Variants in RIPK1 observed in about 807,000 individuals in gnomAD.
RIPK1 encodes the protein receptor-interacting serine/threonine-protein kinase 1.
Under a neutral mutation model 62.4 loss-of-function variants are expected in RIPK1, and 27 were observed. That is an observed-to-expected ratio of 0.43 (90% CI 0.32 to 0.60). The LOEUF is 0.60. Among genes scored for constraint, RIPK1 ranks in the 20% least tolerant of loss-of-function variants. RIPK1 has a pLI of 0.07. For missense variants in RIPK1, 735 were observed against 831.0 expected (o/e 0.88, Z 1.42); for synonymous variants, 287 against 303.2 (o/e 0.95, Z 0.55).
At chr6:3,066,247 C>T (rs1419251562), upstream of RIPK1, among the ~76,000 whole-genome samples, 3 of 152,178 alleles carry the variant, frequency 2.0e-5, no homozygotes, top group East Asian at 1.9e-4. Flanking sequence ...TGGTCCGGAA[C>T]CCCTGAGCTC....
intron 9 of RIPK1, 32 bp downstream of exon 9, chr6:3,106,083 CTTTTT>C: frequency 6.8e-7 from 1 of 1,467,840 alleles, no homozygotes; most frequent in Non-Finnish European, 9.3e-7. Flanking sequence ...ACAAGCTTGT[CTTTTT>C]TTATTTTTCA....
chr6:3,072,938 G>A lies in RIPK1; in HGVS notation c.-60-3826G>A, dbSNP rs1356974417. Among the ~76,000 whole-genome samples, 2 of 152,096 alleles carry A rather than the reference G, an allele frequency of 1.3e-5. No homozygotes were observed. Among genetic ancestry groups the A allele is most frequent in the African/African-American group, 4.8e-5 (2 of 41,410 alleles). On this transcript the variant is annotated intron_variant, in intron 1 of 10. Transcript: ENST00000259808. This position sits in a 1 kb window ranked among gnomAD's most constrained non-coding sequence, Gnocchi z 5.6. ...ACCCGCTCCTACCTCATTCTCACTAGGATTGGTCAGTAGGGCCCTGCTGAC... is the reference window on the plus strand; with the variant it reads ...ACCCGCTCCTACCTCATTCTCACTAAGATTGGTCAGTAGGGCCCTGCTGAC...
chr6:3,070,188 T>C lies in RIPK1; in HGVS notation c.-61+1527T>C, dbSNP rs530256467. On this transcript the variant is annotated intron_variant, in intron 1 of 10. Transcript: ENST00000259808. ...TGAACTATACTGAGCCTCAGAGATATGTTGTACTTTCTGGAATGTGAATAT... is the reference window on the plus strand; with the variant it reads ...TGAACTATACTGAGCCTCAGAGATACGTTGTACTTTCTGGAATGTGAATAT... 1.1e-4 allele frequency among the ~76,000 whole-genome samples: 16 copies of C among 152,324 alleles called. No homozygotes were observed. In the East Asian group the frequency reaches 2.9e-3, roughly 28 times the overall value.
intron 7 of RIPK1, among the ~76,000 whole-genome samples, chr6:3,098,969 G>T (rs867789014): frequency 3.9e-5 from 6 of 152,150 alleles, no homozygotes; most frequent in Admixed American, 1.3e-4. Flanking sequence ...GAGTACCTGG[G>T]GCAAAGGAGT....
Position 3,105,935 on chromosome 6 carries a change from G to C in RIPK1, c.1460G>C (p.Arg487Thr). 2 of 1,614,140 alleles carry C rather than the reference G, an allele frequency of 1.2e-6. No individual in the cohort carries two copies. The highest frequency in any genetic ancestry group is 3.3e-5 in the Admixed American group (2 of 60,006). Residue 487 changes from arginine to threonine, a missense_variant, in exon 9 of 11, where the codon AGA becomes ACA. Around this residue, in one of 2 missense-constraint regions of RIPK1, gnomAD observed 671 missense variants for 726.2 expected, o/e 0.92. Transcript: ENST00000259808. This position sits in a 1 kb window ranked among gnomAD's most constrained non-coding sequence, Gnocchi z 4.5. ...CTGGATCCAGGAACAGCAGGTCCCA[G>C]AGTTTGGTACAGGCCAATTCCAAGT... ...RPLDPGTAGP[R>T]VWYRPIPSHM... is the part of the protein sequence containing the mutation.
In RIPK1 at chr6:3,113,952, T is replaced by A. The variant is rs1412290647; in HGVS notation, c.*613T>A. 6.6e-6 allele frequency: 1 copy of A among 152,284 alleles called. No homozygotes were observed. The highest frequency in any genetic ancestry group is 1.5e-5 in the Non-Finnish European group (1 of 68,090). 9.4% of individuals were successfully genotyped at this position (152,284 alleles called of 1,614,324 possible). The stretch of plus-strand genomic sequence containing the variant: ...ACATCACAGGATCCGTTAACGTTAA[T>A]ACCCAATACTCTGTCAGCCACTGTA... On this transcript the variant is annotated 3_prime_UTR_variant, in exon 11 of 11. Transcript: ENST00000259808. This position sits in a 1 kb window ranked among gnomAD's most constrained non-coding sequence, Gnocchi z 5.0.
intron 3 of RIPK1, among the ~76,000 whole-genome samples, chr6:3,079,692 C>G (rs922375438): frequency 1.3e-5 from 2 of 152,196 alleles, no homozygotes; most frequent in African/African-American, 4.8e-5. Flanking sequence ...GCCAAGCCAA[C>G]AGACATCTCA....
intron 6 of RIPK1, among the ~76,000 whole-genome samples, chr6:3,087,567 T>C (rs1415103377): frequency 1.3e-5 from 2 of 152,044 alleles, no homozygotes; most frequent in African/African-American, 4.8e-5. Flanking sequence ...AGCTTTTTTT[T>C]TTTTTTGACA....
chr6:3,110,766 T>G (rs376317029), intron 9 of RIPK1, 37 bp from the exon 10 acceptor site: 111 of 1,396,142 alleles, frequency 8.0e-5, no homozygotes, highest in Non-Finnish European at 1.3e-5. Flanking sequence ...TTGCTTTTGA[T>G]CTAGAATTAC....
chr6:3,105,591 C>A lies in RIPK1; in HGVS notation c.1116C>A (p.Pro372=), dbSNP rs1561773913. ...SLEHPQEENE[P]SLQSKLQDEA... ...AGCACCCACAAGAAGAGAATGAGCC[C>A]AGCCTGCAGAGTAAACTCCAAGACG... The change falls in exon 9 of 11, where the codon CCC becomes CCA. Residue 372 remains proline, a synonymous_variant. Coordinates refer to ENST00000259808, the MANE Select transcript of RIPK1 (RefSeq NM_001354930.2). The surrounding 1 kb of genome is among the most constrained non-coding windows in gnomAD (Gnocchi z 4.5). 1 of 1,613,970 alleles carries A rather than the reference C, an allele frequency of 6.2e-7. No individual in the cohort carries two copies. Among genetic ancestry groups the A allele is most frequent in the East Asian group, 2.2e-5 (1 of 44,878 alleles).
intron 1 of RIPK1, among the ~76,000 whole-genome samples, chr6:3,074,871 G>A (rs1338055212): frequency 6.6e-5 from 10 of 152,042 alleles, no homozygotes; most frequent in African/African-American, 7.2e-5. Context: ...TAGTAGAGAC[G>A]GGGTTTCACC....
chr6:3,077,743 C>T, intron 2 of RIPK1, 36 bp from the exon 3 acceptor site: 5 of 1,609,328 alleles, frequency 3.1e-6, no homozygotes, highest in Non-Finnish European at 4.2e-6. Context: ...GGCGCTGGCT[C>T]TGCCAGCCTC....
At chr6:3,089,495 A>C in intron 6 of RIPK1, 86 bp from the exon 7 acceptor site, 1 of 716,876 alleles carries the variant, frequency 1.4e-6, no homozygotes. Context: ...GATTGAGGTA[A>C]GTAATTCAAA....
At position 3,076,906 on chromosome 6, in the gene RIPK1, T is replaced by A; in HGVS notation, c.83T>A (p.Phe28Tyr). Residue 28 changes from phenylalanine (F) to tyrosine (Y), a missense_variant, in exon 2 of 11, where the codon TTT (phenylalanine) becomes TAT (tyrosine). Phe to Tyr is a conservative substitution (Grantham distance 22). Transcript: ENST00000259808. ...LESAELDSGG[F>Y]GKVSLCFHRT... is the part of the protein sequence containing the mutation. ...AGTGCAGAACTGGACAGCGGAGGCT[T>A]TGGGAAGGTGTCTCTGTGTTTCCAC... is the stretch of plus-strand genomic sequence containing the variant. The A allele has an allele frequency of 2.5e-6, 4 of 1,612,000 alleles. No homozygotes were observed. The highest frequency in any genetic ancestry group is 3.4e-6 in the Non-Finnish European group (4 of 1,178,794).
chr6:3,096,253 T>C (rs915671510), intron 7 of RIPK1, among the ~76,000 whole-genome samples: 4 of 152,046 alleles, frequency 2.6e-5, no homozygotes, highest in Non-Finnish European at 5.9e-5. Context: ...AGAAGAGATA[T>C]AGGATTGGAA....
At chr6:3,068,955 G>C (rs1758538062) in intron 1 of RIPK1, 1 of 152,530 alleles carries the variant, frequency 6.6e-6, no homozygotes, top group African/African-American at 2.4e-5. Flanking sequence ...GGCCCCGCCG[G>C]TACCGGAAGT....
intron 10 of RIPK1, 75 bp from the exon 11 acceptor site, chr6:3,112,978 T>A: frequency 7.5e-7 from 1 of 1,333,738 alleles, no homozygotes; most frequent in Non-Finnish European, 1.0e-6. Flanking sequence ...TCACTTGGGT[T>A]TTTTAGCAAT....
chr6:3,066,227 T>A (rs1341464571), upstream of RIPK1, among the ~76,000 whole-genome samples: 1 of 152,130 alleles, frequency 6.6e-6, no homozygotes, highest in Non-Finnish European at 1.5e-5. Flanking sequence ...TTTCATCATG[T>A]TTGCCAGGCT....
chr6:3,066,861 G>A (rs1215671890), upstream of RIPK1, among the ~76,000 whole-genome samples: 2 of 152,010 alleles, frequency 1.3e-5, no homozygotes, highest in Non-Finnish European at 2.9e-5. Flanking sequence ...AGACTCCACT[G>A]CCCTAAAAAT....
Sources: gnomAD v4.1 joint callset for allele counts (sites outside exome capture counted in the v4.1 genomes callset) on GRCh38, gnomAD v4.1.1 for gene constraint, gnomAD v4.1.1 regional missense constraint, Gnocchi (gnomAD v3.1) non-coding constraint, MANE v1.5 for transcripts, NCBI Gene and HGNC (gene_info 2026-07-23, HGNC 2026-07-21) for gene names.